Variants in CTIF observed in about 807,000 individuals in gnomAD.
CTIF encodes the protein cap binding complex dependent translation initiation factor, also known as CBP80/20-dependent translation initiation factor.
A neutral mutation model predicts 66.0 loss-of-function variants in CTIF; 21 were observed. The observed-to-expected ratio is 0.32, with a 90% CI of 0.23 to 0.46. The LOEUF is 0.46. CTIF is among the 20% of genes least tolerant of loss of function. The pLI is 1.00. For missense variants in CTIF, 739 were observed against 812.7 expected (o/e 0.91, Z 1.10); for synonymous variants, 345 against 326.4 (o/e 1.06, Z -0.62).
At chr18:48,785,393 T>C (rs906011779) in intron 9 of CTIF, among the ~76,000 whole-genome samples, 26 of 152,252 alleles carry the variant, frequency 1.7e-4, no homozygotes, top group African/African-American at 6.3e-4. Context: ...TGATGTGTCA[T>C]GAGGCTCCCA....
At chr18:48,856,880 C>T (rs1473398978) in intron 10 of CTIF, among the ~76,000 whole-genome samples, 1 of 152,172 alleles carries the variant, frequency 6.6e-6, no homozygotes, top group Non-Finnish European at 1.5e-5. Context: ...GCATTATATA[C>T]TTTAAAATGG....
intron 7 of CTIF, among the ~76,000 whole-genome samples, chr18:48,741,609 G>A (rs889884346): frequency 6.6e-6 from 1 of 151,974 alleles, no homozygotes; most frequent in East Asian, 1.9e-4. Context: ...ATTTTTAGTA[G>A]GGATGAGATT....
chr18:48,786,032 C>T (rs1243050222), intron 9 of CTIF, among the ~76,000 whole-genome samples: 1 of 152,128 alleles, frequency 6.6e-6, no homozygotes, highest in Non-Finnish European at 1.5e-5. Flanking sequence ...CATCCGAGAT[C>T]CTTGAGGTTC....
At chr18:48,772,224 C>G (rs1251921812) in intron 9 of CTIF, among the ~76,000 whole-genome samples, 1 of 152,194 alleles carries the variant, frequency 6.6e-6, no homozygotes, top group Admixed American at 6.5e-5. Flanking sequence ...AGAGCTAAAC[C>G]TAGCGGGAGG....
intron 10 of CTIF, among the ~76,000 whole-genome samples, chr18:48,827,361 ACT>A (rs1313565527): frequency 6.6e-6 from 1 of 152,214 alleles, no homozygotes; most frequent in Non-Finnish European, 1.5e-5. Flanking sequence ...CCCACGGGTA[ACT>A]CAGTGCCCGG....
At chr18:48,542,424 G>T (rs1035270931) in intron 1 of CTIF, among the ~76,000 whole-genome samples, 3 of 152,208 alleles carry the variant, frequency 2.0e-5, no homozygotes, top group African/African-American at 2.4e-5. Context: ...AGCCTGGAGG[G>T]TTATTAAGTT....
chr18:48,683,806 A>G (rs888801082), intron 6 of CTIF, among the ~76,000 whole-genome samples: 11 of 152,162 alleles, frequency 7.2e-5, no homozygotes, highest in African/African-American at 2.7e-4. Context: ...GCCGGGATCC[A>G]GGGAGGGTAA....
At chr18:48,695,825 G>A (rs2091998378) in intron 6 of CTIF, among the ~76,000 whole-genome samples, 1 of 152,236 alleles carries the variant, frequency 6.6e-6, no homozygotes, top group African/African-American at 2.4e-5. Flanking sequence ...TGCTCAGTCA[G>A]GAGAAGAGCG....
chr18:48,541,242 C>G (rs2088609823), intron 1 of CTIF, among the ~76,000 whole-genome samples: 2 of 152,206 alleles, frequency 1.3e-5, no homozygotes, highest in Non-Finnish European at 2.9e-5. Context: ...CAGGCCGCCG[C>G]CCGCCCGGCG....
intron 10 of CTIF, among the ~76,000 whole-genome samples, chr18:48,820,058 C>G (rs1018283085): frequency 6.6e-6 from 1 of 152,146 alleles, no homozygotes; most frequent in Admixed American, 6.5e-5. Context: ...TGAGCACATG[C>G]CTAATCTTAA....
intron 6 of CTIF, among the ~76,000 whole-genome samples, chr18:48,700,772 T>A (rs2092074139): frequency 1.3e-5 from 2 of 152,202 alleles, no homozygotes; most frequent in South Asian, 4.1e-4. Context: ...CCATTGTGAC[T>A]CCACTCAATT....
chr18:48,720,477 C>T (rs1259689731), intron 7 of CTIF, among the ~76,000 whole-genome samples: 1 of 152,130 alleles, frequency 6.6e-6, no homozygotes, highest in Non-Finnish European at 1.5e-5. Context: ...CACGGTTTGT[C>T]TTTCCATCCC....
intron 2 of CTIF, among the ~76,000 whole-genome samples, chr18:48,636,206 C>T (rs531020465): frequency 2.6e-4 from 40 of 152,354 alleles, no homozygotes; most frequent in African/African-American, 9.1e-4. Context: ...AAGACCAATA[C>T]ATACCTGCCT....
At chr18:48,650,133 T>C (rs973985258) in intron 3 of CTIF, among the ~76,000 whole-genome samples, 1 of 152,264 alleles carries the variant, frequency 6.6e-6, no homozygotes, top group Non-Finnish European at 1.5e-5. Context: ...ATGACTTTGA[T>C]GAGCTGACAG....
At chr18:48,551,356 T>C (rs528068046) in intron 1 of CTIF, among the ~76,000 whole-genome samples, 170 of 152,032 alleles carry the variant, frequency 1.1e-3, no homozygotes, top group Admixed American at 9.3e-3. Flanking sequence ...CCCTAGCAAA[T>C]GAATATGGAA....
intron 1 of CTIF, among the ~76,000 whole-genome samples, chr18:48,595,571 T>G (rs1478918726): frequency 6.6e-6 from 1 of 152,008 alleles, no homozygotes; most frequent in Non-Finnish European, 1.5e-5. Context: ...GGACCAGCGG[T>G]GCACACCACC....
At chr18:48,766,767 C>G (rs530800492) in intron 9 of CTIF, among the ~76,000 whole-genome samples, 1 of 152,058 alleles carries the variant, frequency 6.6e-6, no homozygotes, top group Non-Finnish European at 1.5e-5. Flanking sequence ...CAGGAGAACC[C>G]CATTACACAG....
intron 7 of CTIF, among the ~76,000 whole-genome samples, chr18:48,746,521 C>G (rs1379506700): frequency 5.9e-5 from 9 of 151,340 alleles, no homozygotes; most frequent in Admixed American, 5.9e-4. Flanking sequence ...CACCACCTCT[C>G]TAGCTCTTGC....
In CTIF at chr18:48,677,163, G is replaced by A. The variant is rs546836052; in HGVS notation, c.507+6419G>A. 9.9e-5 allele frequency among the ~76,000 whole-genome samples: 15 copies of A among 152,270 alleles called. No individual in the cohort carries two copies. In the South Asian group the frequency reaches 1.5e-3, roughly 15 times the overall value. On this transcript the variant is annotated intron_variant, in intron 6 of 11. Transcript: ENST00000256413. ...TTCTAGGACATGCTAACTCACAGGC[G>A]TGAGGATTAGTAAAGTGCCCCGAGA...
Sources: allele counts gnomAD v4.1 joint callset (sites outside exome capture counted in the v4.1 genomes callset), GRCh38; gene constraint gnomAD v4.1.1; transcripts MANE v1.5; gene names NCBI Gene and HGNC (gene_info 2026-07-23, HGNC 2026-07-21).